Variants in EDA observed in about 807,000 individuals in gnomAD.
EDA encodes the protein ectodysplasin A.
In EDA, 2 loss-of-function variants were observed where a neutral mutation model predicts 23.6. That is an observed-to-expected ratio of 0.08 (90% CI 0.03 to 0.27). EDA has a LOEUF of 0.27. Ranked by LOEUF, EDA falls within the 10% of genes least tolerant of loss-of-function variation. The probability of loss-of-function intolerance (pLI) is 1.00; values close to 1 mark genes in which losing one functional copy is unlikely to be tolerated. For missense variants in EDA, 229 were observed against 324.2 expected (o/e 0.71, Z 2.26); for synonymous variants, 131 against 132.0 (o/e 0.99, Z 0.05).
At chrX:69,789,468 G>A (rs1463957401) in intron 1 of EDA, among the ~76,000 whole-genome samples, 4 of 111,872 alleles carry the variant, frequency 3.6e-5, no homozygotes, top group Non-Finnish European at 5.6e-5. Flanking sequence ...TATTTCTTAG[G>A]GCAAATTTTT....
intron 1 of EDA, among the ~76,000 whole-genome samples, chrX:69,803,715 A>T (rs1333256811): frequency 1.8e-5 from 2 of 110,671 alleles, no homozygotes; most frequent in Non-Finnish European, 3.8e-5. Context: ...TATTATTGTT[A>T]ACTATAGTCA....
intron 1 of EDA, among the ~76,000 whole-genome samples, chrX:69,932,942 T>C (rs2018619858): frequency 9.0e-6 from 1 of 111,090 alleles, no homozygotes; most frequent in African/African-American, 3.3e-5. Context: ...TCCTCTTCTT[T>C]TTTTTTTTGA....
At chrX:69,751,426 G>A (rs1235549900) in intron 1 of EDA, among the ~76,000 whole-genome samples, 2 of 112,221 alleles carry the variant, frequency 1.8e-5, no homozygotes, top group Admixed American at 9.4e-5. Flanking sequence ...TGGTTACGGT[G>A]GCCTTGTAGT....
chrX:69,821,843 T>C (rs2016233182), intron 1 of EDA, among the ~76,000 whole-genome samples: 1 of 112,283 alleles, frequency 8.9e-6, no homozygotes, highest in South Asian at 3.7e-4. Context: ...AAATTTACCA[T>C]CTTAGGCATT....
chrX:69,895,954 A>T (rs1025137419), intron 1 of EDA, among the ~76,000 whole-genome samples: 1 of 112,316 alleles, frequency 8.9e-6, no homozygotes, highest in African/African-American at 3.2e-5. Context: ...CCTTAAGAAA[A>T]TACCACAAAC....
chrX:70,002,457 A>G (rs891030914), intron 2 of EDA, among the ~76,000 whole-genome samples: 7 of 111,867 alleles, frequency 6.3e-5, no homozygotes, highest in Admixed American at 1.9e-4. Context: ...AAAGGTTATT[A>G]TGCTTTAAGT....
intron 2 of EDA, among the ~76,000 whole-genome samples, chrX:70,018,143 AG>A (rs757326820): frequency 4.2e-4 from 47 of 111,859 alleles, no homozygotes; most frequent in Non-Finnish European, 2.6e-4. Context: ...CAGCTAAACA[AG>A]GGGTGAAAGA....
At chrX:70,024,551 T>C (rs2020082260) in intron 3 of EDA, among the ~76,000 whole-genome samples, 1 of 112,880 alleles carries the variant, frequency 8.9e-6, no homozygotes, top group Non-Finnish European at 1.9e-5. Flanking sequence ...CTCAGATCAT[T>C]GCCTGGCACT....
At chrX:69,886,227 C>T (rs2017827466) in intron 1 of EDA, among the ~76,000 whole-genome samples, 1 of 112,088 alleles carries the variant, frequency 8.9e-6, no homozygotes, top group African/African-American at 3.2e-5. Context: ...ATCAGCCCCC[C>T]TCAGCTGTAG....
intron 1 of EDA, among the ~76,000 whole-genome samples, chrX:69,924,920 A>G (rs889593103): frequency 9.0e-6 from 1 of 111,171 alleles, no homozygotes; most frequent in African/African-American, 3.3e-5. Context: ...AGTGATTGTG[A>G]ATGGGAGTTC....
At chrX:69,719,348 TA>T (rs372028133) in intron 1 of EDA, among the ~76,000 whole-genome samples, 60 of 111,100 alleles carry the variant, frequency 5.4e-4, no homozygotes, top group African/African-American at 1.8e-3. Flanking sequence ...TAACACATTT[TA>T]AAAAAAAATT....
intron 1 of EDA, among the ~76,000 whole-genome samples, chrX:69,902,938 A>G (rs1156746061): frequency 8.9e-6 from 1 of 111,919 alleles, no homozygotes; most frequent in Non-Finnish European, 1.9e-5. Flanking sequence ...CCAGCTTTCT[A>G]TGTTCCTTTG....
intron 2 of EDA, among the ~76,000 whole-genome samples, chrX:69,967,473 C>A (rs1373862478): frequency 9.0e-6 from 1 of 111,357 alleles, no homozygotes; most frequent in Non-Finnish European, 1.9e-5. Flanking sequence ...GTGGGAAATT[C>A]AAGGAGGAGA....
chrX:69,952,231 T>A (rs2018937906), intron 1 of EDA, among the ~76,000 whole-genome samples: 1 of 112,107 alleles, frequency 8.9e-6, no homozygotes, highest in Non-Finnish European at 1.9e-5. Flanking sequence ...TAGTCCATTT[T>A]CATTCTGCTG....
At chrX:69,788,571 C>T (rs948441921) in intron 1 of EDA, among the ~76,000 whole-genome samples, 2 of 111,671 alleles carry the variant, frequency 1.8e-5, no homozygotes, top group African/African-American at 3.3e-5. Flanking sequence ...TCAGTCTGCC[C>T]CTGCTGGGGG....
At chrX:70,032,059 G>A (rs760171840) in intron 6 of EDA, among the ~76,000 whole-genome samples, 3 of 110,974 alleles carry the variant, frequency 2.7e-5, no homozygotes, top group African/African-American at 9.8e-5. Flanking sequence ...AAAAGTTTGA[G>A]ACCAGCCTGG....
chrX:69,956,997 C>T, intron 1 of EDA, 30 bp from the exon 2 acceptor site: 3 of 1,181,243 alleles, frequency 2.5e-6, no homozygotes, highest in Non-Finnish European at 3.5e-6. Context: ...TGGGGTCAAC[C>T]TTTGACTAAT....
rs1336429315 is a variant in EDA, at chrX:70,039,357, G to A, written c.*3748G>A. ...TGCTGCTTTTGGGGGTCAGCATCCA[G>A]TGTGAGATACTGTGTATATAAACTA... is the stretch of plus-strand genomic sequence containing the variant. On this transcript the variant is annotated 3_prime_UTR_variant, in exon 8 of 8. Coordinates refer to ENST00000374552, the MANE Select transcript of EDA (RefSeq NM_001399.5). The A allele has an allele frequency of 8.9e-6, 1 of 112,322 alleles. No homozygotes were observed. Among genetic ancestry groups the A allele is most frequent in the Non-Finnish European group, 1.9e-5 (1 of 53,236 alleles). The allele number at this position is 112,322 out of a possible 1,213,427, so 9.3% of individuals were successfully genotyped here.
At chrX:69,624,789 CCTCTCTCTCTCTCT>C (rs751401580) in intron 1 of EDA, among the ~76,000 whole-genome samples, 1 of 95,762 alleles carries the variant, frequency 1.0e-5, no homozygotes, top group African/African-American at 3.8e-5. Flanking sequence ...GTCAGAAGCT[CCTCTCTCTCTCTCT>C]CTCTCTCTCT....
Sources: gnomAD v4.1 joint callset for allele counts (sites outside exome capture counted in the v4.1 genomes callset) on GRCh38, gnomAD v4.1.1 for gene constraint, MANE v1.5 for transcripts, NCBI Gene and HGNC (gene_info 2026-07-23, HGNC 2026-07-21) for gene names.